The following SYCP1 variants were observed in gnomAD, a reference collection of about 807,000 sequenced individuals.
SYCP1 encodes the protein synaptonemal complex protein 1.
Under a neutral mutation model 153.1 loss-of-function variants are expected in SYCP1, and 64 were observed. The observed-to-expected ratio is 0.42, with a 90% CI of 0.34 to 0.51. The LOEUF (loss-of-function observed/expected upper bound fraction) is 0.51, where lower values mean the gene tolerates loss of function less well. Among genes scored for constraint, SYCP1 ranks in the 20% least tolerant of loss-of-function variants. The pLI, the probability that SYCP1 is intolerant of heterozygous loss-of-function variation, is 0.06. For synonymous variants in SYCP1, 384 were observed against 341.8 expected (o/e 1.12, Z -1.36); for missense variants, 997 against 1,049.0 (o/e 0.95, Z 0.68).
intron 27 of SYCP1, among the ~76,000 whole-genome samples, chr1:114,973,191 G>T (rs897975149): frequency 2.6e-5 from 4 of 152,056 alleles, no homozygotes; most frequent in Non-Finnish European, 5.9e-5. Flanking sequence ...AAATTTACCT[G>T]GTGCTCTTAG....
At chr1:114,926,417 C>G in intron 22 of SYCP1, 77 bp downstream of exon 22, 3 of 1,481,428 alleles carry the variant, frequency 2.0e-6, no homozygotes, top group Non-Finnish European at 2.7e-6. Flanking sequence ...GCTTTCCCTT[C>G]CTTTAGTAAT....
chr1:114,903,295 C>CTTT (rs1423919591), intron 16 of SYCP1, among the ~76,000 whole-genome samples: 1 of 152,132 alleles, frequency 6.6e-6, no homozygotes, highest in African/African-American at 2.4e-5. Context: ...AGTAGTCACA[C>CTTT]TTAAATTCAA....
chr1:114,908,496 G>T (rs781736724), intron 16 of SYCP1, among the ~76,000 whole-genome samples: 51 of 152,030 alleles, frequency 3.4e-4, no homozygotes, highest in Non-Finnish European at 5.7e-4. Flanking sequence ...ACATTGATTT[G>T]ATCTTTTTAT....
chr1:114,926,251 T>G, intron 21 of SYCP1, 27 bp from the exon 22 acceptor site: 1 of 1,460,758 alleles, frequency 6.8e-7, no homozygotes. Flanking sequence ...CTGAATAAAA[T>G]AGCTATAATT....
intron 16 of SYCP1, among the ~76,000 whole-genome samples, chr1:114,905,860 C>T (rs1007318090): frequency 1.3e-5 from 2 of 152,240 alleles, no homozygotes; most frequent in Non-Finnish European, 2.9e-5. Flanking sequence ...AATTTCTGTG[C>T]ATAGAATTTT....
At chr1:114,936,134 A>G (rs1669991439) in intron 23 of SYCP1, among the ~76,000 whole-genome samples, 1 of 152,204 alleles carries the variant, frequency 6.6e-6, no homozygotes, top group African/African-American at 2.4e-5. Flanking sequence ...CCTGATGAAC[A>G]TTGACGCAAA....
At position 114,924,441 on chromosome 1, in the gene SYCP1, A is replaced by G. The variant is rs570807270; in HGVS notation, c.1800+911A>G. ...CAAGAAAGGGTGCTGGCCAGACCAA[A>G]CATAGGTTCTCTATCTGGATACTAT... On this transcript the variant is annotated intron_variant, in intron 21 of 31. Transcript: ENST00000369522. 3.8e-3 allele frequency among the ~76,000 whole-genome samples: 573 copies of G among 152,216 alleles called. 2 individuals carry two copies. The highest frequency in any genetic ancestry group is 7.0e-3 in the Non-Finnish European group (479 of 67,990).
At chr1:114,883,514 T>G (rs1462948362) in intron 12 of SYCP1, among the ~76,000 whole-genome samples, 4 of 152,192 alleles carry the variant, frequency 2.6e-5, no homozygotes, top group South Asian at 2.1e-4. Flanking sequence ...TGAAGAAAAT[T>G]TGCATATTCC....
Position 114,984,726 on chromosome 1 carries a change from C to T in SYCP1, c.2561C>T (p.Ala854Val). 6.9e-7 allele frequency: 1 copy of T among 1,454,816 alleles called. No homozygotes were observed. Among genetic ancestry groups the T allele is most frequent in the South Asian group, 1.6e-5 (1 of 60,900 alleles). The allele number at this position is 1,454,816 out of a possible 1,614,324, so 90.1% of individuals were successfully genotyped here. Residue 854 changes from alanine to valine, a missense_variant and splice_region_variant, in exon 30 of 32, where the codon GCA (alanine) becomes GTA (valine). Ala to Val is a moderately conservative substitution (Grantham distance 64, BLOSUM62 0). Transcript: ENST00000369522. ...KNTLSTPLPK[A>V]YTVKTPTKPK... Reference sequence around the variant, plus strand: ...GTATGGTTTTTTATTTTTGGATAGGCATATACAGTGAAGACACCAACAAAA... The same window carrying T: ...GTATGGTTTTTTATTTTTGGATAGGTATATACAGTGAAGACACCAACAAAA...
chr1:114,867,585 C>T (rs543619467), intron 8 of SYCP1, among the ~76,000 whole-genome samples: 49 of 151,968 alleles, frequency 3.2e-4, no homozygotes, highest in Non-Finnish European at 6.9e-4. Flanking sequence ...AAATGATTGA[C>T]GTTTGTATAG....
At chr1:114,895,193 T>A (rs1666977225) in intron 15 of SYCP1, among the ~76,000 whole-genome samples, 1 of 152,120 alleles carries the variant, frequency 6.6e-6, no homozygotes, top group South Asian at 2.1e-4. Flanking sequence ...TTATATAGAT[T>A]TATTGCTTAT....
At chr1:114,931,227 A>C (rs1334613191) in intron 23 of SYCP1, among the ~76,000 whole-genome samples, 1 of 152,068 alleles carries the variant, frequency 6.6e-6, no homozygotes, top group Non-Finnish European at 1.5e-5. Flanking sequence ...TACCACACCT[A>C]TTCAACATTG....
intron 27 of SYCP1, among the ~76,000 whole-genome samples, chr1:114,965,525 A>G (rs983963798): frequency 6.6e-6 from 1 of 152,200 alleles, no homozygotes; most frequent in Admixed American, 6.5e-5. Flanking sequence ...ATTTTGAGAT[A>G]TGTTCCATCA....
chr1:114,988,303 A>C (rs1000221018), intron 30 of SYCP1, among the ~76,000 whole-genome samples: 1 of 151,958 alleles, frequency 6.6e-6, no homozygotes, highest in African/African-American at 2.4e-5. Flanking sequence ...AATTTTGATG[A>C]AAGACATGAA....
Position 114,946,187 on chromosome 1 carries a change from A to G in SYCP1, c.2155-102A>G, listed in dbSNP as rs1053439923. The stretch of plus-strand genomic sequence containing the variant: ...GTTTCTGCAAAATTAAATACTAAAT[A>G]ATTAATTAAATACTAAATTAAATAT... On this transcript the variant is annotated intron_variant, in intron 25 of 31. Coordinates refer to ENST00000369522, the MANE Select transcript of SYCP1 (RefSeq NM_003176.4). 135 of 380,302 alleles carry G rather than the reference A, an allele frequency of 3.5e-4. 2 individuals carry two copies. Among genetic ancestry groups the G allele is most frequent in the Non-Finnish European group, 4.7e-4 (111 of 235,612 alleles). The allele number at this position is 380,302 out of a possible 1,614,324, so 23.6% of individuals were successfully genotyped here.
chr1:114,986,725 G>T (rs1199389370), intron 30 of SYCP1, among the ~76,000 whole-genome samples: 1 of 152,034 alleles, frequency 6.6e-6, no homozygotes, highest in Non-Finnish European at 1.5e-5. Flanking sequence ...AGATGGTGGA[G>T]TAGGAAGTGC....
chr1:114,861,417 C>A (rs1267575369), intron 8 of SYCP1, among the ~76,000 whole-genome samples: 2 of 152,002 alleles, frequency 1.3e-5, no homozygotes, highest in Non-Finnish European at 2.9e-5. Context: ...CATAATTTGA[C>A]CCTGGCTTTA....
intron 30 of SYCP1, among the ~76,000 whole-genome samples, chr1:114,993,676 A>G (rs1270956201): frequency 6.6e-6 from 1 of 151,518 alleles, no homozygotes; most frequent in Admixed American, 6.6e-5. Context: ...TGGGAGAATT[A>G]CAATAATTGT....
intron 12 of SYCP1, among the ~76,000 whole-genome samples, chr1:114,880,931 T>G (rs1474706994): frequency 6.6e-6 from 1 of 152,202 alleles, no homozygotes; most frequent in Admixed American, 6.5e-5. Context: ...TAATTTATTT[T>G]GTCACTTGCT....
Sources: allele counts gnomAD v4.1 joint callset (sites outside exome capture counted in the v4.1 genomes callset), GRCh38; gene constraint gnomAD v4.1.1; transcripts MANE v1.5; gene names NCBI Gene and HGNC (gene_info 2026-07-23, HGNC 2026-07-21).